Variants in CEP162 observed in about 807,000 individuals in gnomAD.
CEP162 encodes the protein centrosomal protein of 162 kDa.
A neutral mutation model predicts 169.2 loss-of-function variants in CEP162; 141 were observed. The observed-to-expected ratio is 0.83, with a 90% CI of 0.73 to 0.96. The LOEUF is 0.96. CEP162 is among the 40% of genes least tolerant of loss of function. CEP162 has a pLI of 0.00. For synonymous variants in CEP162, 540 were observed against 526.4 expected (o/e 1.03, Z -0.35); for missense variants, 1,600 against 1,587.2 (o/e 1.01, Z -0.14).
In CEP162 at chr6:84,146,718, G is replaced by C. The variant is rs1249567936; in HGVS notation, c.3839C>G (p.Ser1280Cys). 3.2e-6 allele frequency: 5 copies of C among 1,576,296 alleles called. No homozygotes were observed. The highest frequency in any genetic ancestry group is 4.3e-6 in the Non-Finnish European group (5 of 1,160,460). Residue 1280 changes from serine to cysteine, a missense_variant, in exon 25 of 27, where the codon TCT becomes TGT. Physicochemically the swap from Ser to Cys is moderately radical, Grantham distance 112. Coordinates refer to ENST00000403245, the MANE Select transcript of CEP162 (RefSeq NM_014895.4). ...CTGTAGAATTTCTTCTCGAACTTCAGAAACTACGAGAGACTCTTGTTTACT... is the reference window on the plus strand; with the variant it reads ...CTGTAGAATTTCTTCTCGAACTTCACAAACTACGAGAGACTCTTGTTTACT... ...LQSKQESLVVSEVREEILQKE... is the reference protein window; with the variant it reads ...LQSKQESLVVCEVREEILQKE...
At position 84,125,164 on chromosome 6, in the gene CEP162, A is replaced by G; in HGVS notation, c.4118T>C (p.Leu1373Pro). The G allele has an allele frequency of 1.2e-6, 2 of 1,613,616 alleles. No homozygotes were observed. The highest frequency in any genetic ancestry group is 1.7e-6 in the Non-Finnish European group (2 of 1,179,682). Residue 1373 changes from leucine (L) to proline (P), a missense_variant, in exon 27 of 27, where the codon CTA becomes CCA. By Grantham distance (98) the Leu-to-Pro change is moderately conservative (BLOSUM62 -3). Transcript: ENST00000403245. ...NRELEKFRTELDSILDVLREL... is the reference protein window; with the variant it reads ...NRELEKFRTEPDSILDVLREL... ...TCGGAGAACATCTAATATTGAGTCT[A>G]GTTCTGTGCGGAACTTCTCCAGCTC...
chr6:84,162,810 A>C (rs571116682), intron 19 of CEP162, among the ~76,000 whole-genome samples: 1 of 152,268 alleles, frequency 6.6e-6, no homozygotes, highest in East Asian at 1.9e-4. Flanking sequence ...TGGCAAATAC[A>C]CAACAGCCTA....
intron 13 of CEP162, among the ~76,000 whole-genome samples, chr6:84,181,850 T>A (rs2099534972): frequency 1.3e-5 from 2 of 152,218 alleles, no homozygotes; most frequent in Non-Finnish European, 2.9e-5. Context: ...GTTGGGGATA[T>A]AATATGCTTT....
At chr6:84,185,485 T>A (rs778131468) in intron 12 of CEP162, 37 bp from the exon 13 acceptor site, 5 of 1,539,008 alleles carry the variant, frequency 3.2e-6, no homozygotes, top group Non-Finnish European at 4.4e-6. Flanking sequence ...AGTACCTAAA[T>A]AAACTTTAAC....
chr6:84,183,136 A>G (rs879518969), intron 13 of CEP162, among the ~76,000 whole-genome samples: 2 of 152,188 alleles, frequency 1.3e-5, no homozygotes, highest in Admixed American at 1.3e-4. Flanking sequence ...ATACTTTACT[A>G]TAAATTTTAA....
intron 19 of CEP162, 104 bp downstream of exon 19, chr6:84,163,040 T>G: frequency 9.2e-7 from 1 of 1,091,186 alleles, no homozygotes; most frequent in Admixed American, 2.3e-5. Flanking sequence ...ACAATATACT[T>G]CAAGGAGTAG....
chr6:84,200,223 C>T (rs1223075731), intron 9 of CEP162, among the ~76,000 whole-genome samples: 1 of 152,132 alleles, frequency 6.6e-6, no homozygotes, highest in Non-Finnish European at 1.5e-5. Flanking sequence ...GCACTCCAGC[C>T]AGGGTGACAG....
rs183174850 is a variant in CEP162, at chr6:84,177,297, T to C, written c.1664-1950A>G. Among the ~76,000 whole-genome samples the C allele has an allele frequency of 3.6e-4, 55 of 152,328 alleles. No individual in the cohort carries two copies. The East Asian group carries it at 4.1e-3, about 11-fold the overall frequency. Reference sequence around the variant, plus strand: ...ACTGTACTCATATTTTCTCATTTTATCCACCCTTCCCTGTACCCCACCACT... The same window carrying C: ...ACTGTACTCATATTTTCTCATTTTACCCACCCTTCCCTGTACCCCACCACT... On this transcript the variant is annotated intron_variant, in intron 13 of 26. Transcript: ENST00000403245.
At chr6:84,207,832 C>A (rs915009675) in intron 6 of CEP162, among the ~76,000 whole-genome samples, 10 of 151,830 alleles carry the variant, frequency 6.6e-5, no homozygotes, top group Non-Finnish European at 1.3e-4. Flanking sequence ...TATTTTTAGT[C>A]TTTTATATTA....
chr6:84,166,335 C>T (rs1471894601), intron 18 of CEP162, among the ~76,000 whole-genome samples: 1 of 152,174 alleles, frequency 6.6e-6, no homozygotes, highest in Non-Finnish European at 1.5e-5. Flanking sequence ...TGAATCTTTG[C>T]ATGGCTGGCT....
intron 24 of CEP162, among the ~76,000 whole-genome samples, chr6:84,148,459 G>A (rs149265650): frequency 4.1e-4 from 63 of 152,228 alleles, no homozygotes; most frequent in African/African-American, 1.5e-3. Context: ...AACCTGGGAG[G>A]CAGAGGTTGC....
At chr6:84,143,659 T>C (rs911378788) in intron 25 of CEP162, among the ~76,000 whole-genome samples, 1 of 151,952 alleles carries the variant, frequency 6.6e-6, no homozygotes, top group African/African-American at 2.4e-5. Context: ...TGCACGAATA[T>C]CTTGTGTGTC....
At chr6:84,217,147 G>T (rs779069377) in intron 3 of CEP162, among the ~76,000 whole-genome samples, 7 of 152,046 alleles carry the variant, frequency 4.6e-5, no homozygotes, top group Non-Finnish European at 1.0e-4. Flanking sequence ...ACCAGGCATT[G>T]TTCTAAATGC....
intron 2 of CEP162, among the ~76,000 whole-genome samples, 190 bp downstream of exon 2, chr6:84,226,147 G>T (rs1475669537): frequency 6.6e-6 from 1 of 151,498 alleles, no homozygotes; most frequent in South Asian, 2.1e-4. Flanking sequence ...ACCATGAGTT[G>T]AGAACTGCTG....
At chr6:84,128,377 TA>T (rs1387764488) in intron 25 of CEP162, among the ~76,000 whole-genome samples, 1 of 152,112 alleles carries the variant, frequency 6.6e-6, no homozygotes, top group Non-Finnish European at 1.5e-5. Flanking sequence ...AACATGTATT[TA>T]AAAAATACTT....
In CEP162 at chr6:84,161,909, C is replaced by G; in HGVS notation, c.2513G>C (p.Gly838Ala). ...AATTTTTATTTCATATAATTTCTCACCTATAAGATACAGTAACTCAATAAC... is the reference window on the plus strand; with the variant it reads ...AATTTTTATTTCATATAATTTCTCAGCTATAAGATACAGTAACTCAATAAC... ...QAKDQIAYVT[G>A]EKLYEIKILE... Residue 838 changes from glycine (G) to alanine (A), a missense_variant and splice_region_variant, in exon 20 of 27, where the codon GGT (glycine) becomes GCT (alanine). Physicochemically the swap from Gly to Ala is moderately conservative, Grantham distance 60. Coordinates refer to ENST00000403245, the MANE Select transcript of CEP162 (RefSeq NM_014895.4). The G allele has an allele frequency of 6.7e-7, 1 of 1,493,506 alleles. No individual in the cohort carries two copies. Among genetic ancestry groups the G allele is most frequent in the Non-Finnish European group, 9.2e-7 (1 of 1,092,248 alleles). 92.5% of individuals were successfully genotyped at this position (1,493,506 alleles called of 1,614,324 possible). A position where few individuals can be genotyped will look rare whatever the true frequency, so the allele number is the denominator to read the frequency against.
chr6:84,197,428 T>C (rs1246323416), intron 9 of CEP162, among the ~76,000 whole-genome samples: 1 of 152,098 alleles, frequency 6.6e-6, no homozygotes, highest in Non-Finnish European at 1.5e-5. Flanking sequence ...GAAAAGGGGT[T>C]CCTTATCTGC....
At chr6:84,203,205 T>C (rs897588565) in intron 7 of CEP162, among the ~76,000 whole-genome samples, 3 of 152,166 alleles carry the variant, frequency 2.0e-5, no homozygotes, top group Non-Finnish European at 2.9e-5. Flanking sequence ...AATTAGAGTA[T>C]GAAGCACCAC....
At chr6:84,204,455 G>T (rs556944746) in intron 6 of CEP162, among the ~76,000 whole-genome samples, 1 of 152,300 alleles carries the variant, frequency 6.6e-6, no homozygotes, top group South Asian at 2.1e-4. Context: ...CATGGAAACT[G>T]AACAAGCTGC....
Sources: allele counts gnomAD v4.1 joint callset (sites outside exome capture counted in the v4.1 genomes callset), GRCh38; gene constraint gnomAD v4.1.1; transcripts MANE v1.5; gene names NCBI Gene and HGNC (gene_info 2026-07-23, HGNC 2026-07-21).